ZNF574: variants seen among roughly 807,000 people sequenced by gnomAD.
ZNF574 encodes the protein zinc finger protein 574.
ZNF574 carries 25 observed loss-of-function variants against 56.6 expected under a neutral mutation model. The ratio of observed to expected loss-of-function variants is 0.44; its 90% CI spans 0.32 to 0.62. The LOEUF (loss-of-function observed/expected upper bound fraction) is 0.62, where lower values mean the gene tolerates loss of function less well. Among genes scored for constraint, ZNF574 ranks in the 20% least tolerant of loss-of-function variants. The pLI is 0.04. For synonymous variants in ZNF574, 543 were observed against 492.1 expected (o/e 1.10, Z -1.37); for missense variants, 1,065 against 1,218.9 (o/e 0.87, Z 1.88).
intron 1 of ZNF574, among the ~76,000 whole-genome samples, chr19:42,077,135 G>T (rs1203530990): frequency 6.6e-6 from 1 of 151,954 alleles, no homozygotes; most frequent in Non-Finnish European, 1.5e-5. Flanking sequence ...AGACTGAGAG[G>T]TTGCTAAGAC....
upstream of ZNF574, among the ~76,000 whole-genome samples, chr19:42,074,107 T>C (rs1289044794): frequency 4.1e-5 from 6 of 145,718 alleles, no homozygotes; most frequent in Non-Finnish European, 7.4e-5. Flanking sequence ...TACTCCAGCC[T>C]GGGCGGTGGG....
chr19:42,071,112 A>T (rs2076416213), intron 1 of ZNF574: 1 of 152,550 alleles, frequency 6.6e-6, no homozygotes, highest in Non-Finnish European at 1.5e-5. Context: ...TAGTCACAGG[A>T]GCAGAGAGGC....
upstream of ZNF574, chr19:42,074,843 T>C (rs2076445841): frequency 1.3e-5 from 2 of 152,198 alleles, no homozygotes. Flanking sequence ...TCCGATAAGT[T>C]GAAATTCCTC....
intron 1 of ZNF574, 96 bp from the exon 2 acceptor site, chr19:42,078,491 G>T: frequency 1.9e-6 from 2 of 1,056,110 alleles, no homozygotes; most frequent in Non-Finnish European, 1.4e-6. Context: ...AACTTAAGGG[G>T]GTGTAGATCT....
chr19:42,076,404 G>A, intron 1 of ZNF574, 118 bp downstream of exon 1: 1 of 152,108 alleles, frequency 6.6e-6, no homozygotes, highest in South Asian at 2.1e-4. Flanking sequence ...GGCAGTTAGG[G>A]CGGAGCGGCA....
Position 42,079,663 on chromosome 19 carries a change from C to G in ZNF574, c.1057C>G (p.Gln353Glu), listed in dbSNP as rs750321461. ...RVFPSPSSLDQHLGDHSSESH... is the reference protein window; with the variant it reads ...RVFPSPSSLDEHLGDHSSESH... ...CTTCCCTAGCCCTTCCAGTCTGGAC[C>G]AGCACCTTGGAGACCATAGCAGCGA... The change falls in exon 2 of 2, where the codon CAG becomes GAG. Residue 353 changes from glutamine to glutamate, a missense_variant. Coordinates refer to ENST00000359044, the MANE Select transcript of ZNF574 (RefSeq NM_022752.6). This position sits in a 1 kb window ranked among gnomAD's most constrained non-coding sequence, Gnocchi z 4.3. 8 of 1,614,156 alleles carry G rather than the reference C, an allele frequency of 5.0e-6. No homozygotes were observed. Among genetic ancestry groups the G allele is most frequent in the Non-Finnish European group, 5.1e-6 (6 of 1,180,026 alleles).
chr19:42,072,618 G>A (rs1409438606), upstream of ZNF574, among the ~76,000 whole-genome samples: 1 of 150,622 alleles, frequency 6.6e-6, no homozygotes, highest in Non-Finnish European at 1.5e-5. Flanking sequence ...CTAGGTTGGA[G>A]TGCAATGGCG....
upstream of ZNF574, among the ~76,000 whole-genome samples, chr19:42,073,549 G>A (rs2076438596): frequency 6.6e-6 from 1 of 150,496 alleles, no homozygotes; most frequent in South Asian, 2.1e-4. Context: ...ACCCGGGCAT[G>A]GTGGCTCATG....
Position 42,079,619 on chromosome 19 carries a change from G to T in ZNF574, c.1013G>T (p.Cys338Phe). Reference protein sequence around the residue: ...LRSHREGVFKCPLCSRVFPSP... With the variant: ...LRSHREGVFKFPLCSRVFPSP... ...AGTCACCGGGAGGGCGTCTTTAAGTGCCCCCTGTGCAGTCGTGTCTTCCCT... is the reference window on the plus strand; with the variant it reads ...AGTCACCGGGAGGGCGTCTTTAAGTTCCCCCTGTGCAGTCGTGTCTTCCCT... The change falls in exon 2 of 2, where the codon TGC (cysteine) becomes TTC (phenylalanine). Residue 338 changes from cysteine to phenylalanine, a missense_variant. By Grantham distance (205) the Cys-to-Phe change is radical (BLOSUM62 -2). Transcript: ENST00000359044. This position sits in a 1 kb window ranked among gnomAD's most constrained non-coding sequence, Gnocchi z 4.3. The T allele has an allele frequency of 6.2e-7, 1 of 1,614,128 alleles. No homozygotes were observed. The highest frequency in any genetic ancestry group is 8.5e-7 in the Non-Finnish European group (1 of 1,180,018).
chr19:42,079,207 A>G lies in ZNF574; in HGVS notation c.601A>G (p.Thr201Ala), dbSNP rs1599876959. 1.9e-6 allele frequency: 3 copies of G among 1,613,992 alleles called. No individual in the cohort carries two copies. Among genetic ancestry groups the G allele is most frequent in the South Asian group, 2.2e-5 (2 of 91,084 alleles). Residue 201 changes from threonine to alanine, a missense_variant, in exon 2 of 2, where the codon ACC becomes GCC. By Grantham distance (58) the Thr-to-Ala change is moderately conservative (BLOSUM62 0). Coordinates refer to ENST00000359044, the MANE Select transcript of ZNF574 (RefSeq NM_022752.6). The surrounding 1 kb of genome is among the most constrained non-coding windows in gnomAD (Gnocchi z 4.3). ...EGATVPSAAA[T>A]TTEVVTEVEL... ...GGCGACTGTCCCATCTGCCGCTGCCACCACCACTGAGGTAGTGACTGAGGT... is the reference window on the plus strand; with the variant it reads ...GGCGACTGTCCCATCTGCCGCTGCCGCCACCACTGAGGTAGTGACTGAGGT...
rs1568945283 is a variant in ZNF574 at position 42,079,990 on chromosome 19, G to A, written c.1384G>A (p.Ala462Thr). The change falls in exon 2 of 2, where the codon GCC becomes ACC. Residue 462 changes from alanine to threonine, a missense_variant. Ala to Thr is a moderately conservative substitution (Grantham distance 58). Transcript: ENST00000359044. This position sits in a 1 kb window ranked among gnomAD's most constrained non-coding sequence, Gnocchi z 4.3. ...VSEETSAGPA[A>T]PGTYRCLLCS... is the part of the protein sequence containing the mutation. Reference sequence around the variant, plus strand: ...TGAGGAGACCTCAGCAGGGCCCGCTGCCCCAGGCACCTACCGCTGCCTCCT... The same window carrying A: ...TGAGGAGACCTCAGCAGGGCCCGCTACCCCAGGCACCTACCGCTGCCTCCT... 1 of 1,613,932 alleles carries A rather than the reference G, an allele frequency of 6.2e-7. No individual in the cohort carries two copies. The highest frequency in any genetic ancestry group is 2.2e-5 in the East Asian group (1 of 44,876).
Position 42,078,672 on chromosome 19 carries a change from C to A in ZNF574, c.66C>A (p.Asn22Lys), listed in dbSNP as rs1308107362. ...IEHRYVCSEC[N>K]QLYGSLEEVL... The stretch of plus-strand genomic sequence containing the variant: ...ACCGCTATGTCTGCTCTGAGTGCAA[C>A]CAGCTGTATGGATCACTGGAAGAGG... The change falls in exon 2 of 2, where the codon AAC (asparagine) becomes AAA (lysine). Residue 22 changes from asparagine to lysine, a missense_variant. By Grantham distance (94) the Asn-to-Lys change is moderately conservative. Coordinates refer to ENST00000359044, the MANE Select transcript of ZNF574 (RefSeq NM_022752.6). The A allele has an allele frequency of 6.2e-7, 1 of 1,614,106 alleles. No homozygotes were observed. The highest frequency in any genetic ancestry group is 1.3e-5 in the African/African-American group (1 of 75,018).
chr19:42,073,088 C>G (rs1269757713), upstream of ZNF574, among the ~76,000 whole-genome samples: 1 of 152,234 alleles, frequency 6.6e-6, no homozygotes, highest in Non-Finnish European at 1.5e-5. Context: ...TGCATTCAAC[C>G]CTTCAACATG....
At chr19:42,072,568 C>T (rs1258940480), upstream of ZNF574, among the ~76,000 whole-genome samples, 2 of 144,146 alleles carry the variant, frequency 1.4e-5, no homozygotes, top group Non-Finnish European at 3.1e-5. Flanking sequence ...TTCTTTCTTT[C>T]TTTTTTTTTT....
chr19:42,079,227 T>C lies in ZNF574; in HGVS notation c.621T>C (p.Thr207=). The C allele has an allele frequency of 2.5e-6, 4 of 1,614,036 alleles. No individual in the cohort carries two copies. The highest frequency in any genetic ancestry group is 3.4e-6 in the Non-Finnish European group (4 of 1,179,990). The change falls in exon 2 of 2, where the codon ACT becomes ACC. Residue 207 remains threonine, a synonymous_variant. Transcript: ENST00000359044. This position sits in a 1 kb window ranked among gnomAD's most constrained non-coding sequence, Gnocchi z 4.3. ...CTGCCACCACCACTGAGGTAGTGAC[T>C]GAGGTGGAGCTGCTCCTCTACAAGT... is the stretch of plus-strand genomic sequence containing the variant. The part of the protein sequence containing the change: ...SAAATTTEVV[T]EVELLLYKCS...
intron 1 of ZNF574, among the ~76,000 whole-genome samples, chr19:42,076,691 T>G (rs893424780): frequency 4.1e-4 from 63 of 152,284 alleles, no homozygotes; most frequent in African/African-American, 1.4e-3. Flanking sequence ...AGTTAGGGGC[T>G]TAGGGCGTGA....
At chr19:42,069,762 C>T (rs1031991076) in intron 1 of ZNF574, among the ~76,000 whole-genome samples, 1 of 151,778 alleles carries the variant, frequency 6.6e-6, no homozygotes, top group African/African-American at 2.4e-5. Flanking sequence ...TTTCCCCCTC[C>T]CCCCTGGAGC....
chr19:42,072,611 G>C (rs1319159977), upstream of ZNF574, among the ~76,000 whole-genome samples: 1 of 150,678 alleles, frequency 6.6e-6, no homozygotes, highest in Non-Finnish European at 1.5e-5. Flanking sequence ...TTGTTGCCTA[G>C]GTTGGAGTGC....
rs1368156416 is a variant in ZNF574 at position 42,081,385 on chromosome 19, C to T, written c.*88C>T. The T allele has an allele frequency of 1.3e-6, 2 of 1,519,482 alleles. No homozygotes were observed. Among genetic ancestry groups the T allele is most frequent in the Non-Finnish European group, 1.8e-6 (2 of 1,097,118 alleles). 94.1% of individuals were successfully genotyped at this position (1,519,482 alleles called of 1,614,324 possible). A position where few individuals can be genotyped will look rare whatever the true frequency, so the allele number is the denominator to read the frequency against. On this transcript the variant is annotated 3_prime_UTR_variant, in exon 2 of 2. Coordinates refer to ENST00000359044, the MANE Select transcript of ZNF574 (RefSeq NM_022752.6). ...TTAAGCATCTGTACATACTGTGTCC[C>T]TTCCTCTTCCCATCCCCACCACCTT...
Sources: gnomAD v4.1 joint callset for allele counts (sites outside exome capture counted in the v4.1 genomes callset) on GRCh38, gnomAD v4.1.1 for gene constraint, Gnocchi (gnomAD v3.1) non-coding constraint, MANE v1.5 for transcripts, NCBI Gene and HGNC (gene_info 2026-07-23, HGNC 2026-07-21) for gene names.